SCAF11: variants seen among roughly 807,000 people sequenced by gnomAD.
The protein encoded by SCAF11 is protein SCAF11.
In SCAF11, 47 loss-of-function variants were observed where a neutral mutation model predicts 140.5. That is an observed-to-expected ratio of 0.33 (90% CI 0.26 to 0.43). The LOEUF (loss-of-function observed/expected upper bound fraction) is 0.43. Among genes scored for constraint, SCAF11 ranks in the 20% least tolerant of loss-of-function variants. The pLI, the probability that SCAF11 is intolerant of heterozygous loss-of-function variation, is 1.00. For synonymous variants in SCAF11, 557 were observed against 579.4 expected, an observed-to-expected ratio of 0.96 and a Z score of 0.55; for missense variants, 1,645 against 1,705.1, an observed-to-expected ratio of 0.96 and a Z score of 0.62.
At chr12:45,967,777 T>A (rs1057441929) in intron 1 of SCAF11, among the ~76,000 whole-genome samples, 5 of 152,246 alleles carry the variant, frequency 3.3e-5, no homozygotes, top group Non-Finnish European at 5.9e-5. Context: ...ACTAATTTAG[T>A]CATTTAAAAT....
In SCAF11 at chr12:45,924,865, G is replaced by A; in HGVS notation, c.3769C>T (p.Leu1257Phe). 1 of 1,614,156 alleles carries A rather than the reference G, an allele frequency of 6.2e-7. No individual in the cohort carries two copies. Among genetic ancestry groups the A allele is most frequent in the Non-Finnish European group, 8.5e-7 (1 of 1,180,032 alleles). ...FNIHPQLPLH[L>F]HTGVPLMQVA... ...TGCATGAGGGGCACTCCTGTGTGGA[G>A]ATGCAAGGGTAGCTGAGGATGAATG... The change falls in exon 12 of 15, where the codon CTC (leucine) becomes TTC (phenylalanine). Residue 1257 changes from leucine (L) to phenylalanine (F), a missense_variant. Physicochemically the swap from Leu to Phe is conservative, Grantham distance 22 (BLOSUM62 0). Transcript: ENST00000369367.
intron 1 of SCAF11, among the ~76,000 whole-genome samples, chr12:45,973,113 C>G (rs1946151523): frequency 6.7e-6 from 1 of 148,776 alleles, no homozygotes; most frequent in African/African-American, 2.5e-5. Context: ...AGCAAACAAA[C>G]AGAAGACATA....
rs1222377058 is a variant in SCAF11 at position 45,927,853 on chromosome 12, A to C, written c.1848T>G (p.Gly616=). Residue 616 remains glycine, a synonymous_variant, in exon 11 of 15, where the codon GGT becomes GGG. Transcript: ENST00000369367. ...IESPKLESSE[G]EIIQTVDRQS... ...GTCTGTCCACTGTCTGTATAATTTC[A>C]CCCTCAGAAGATTCTAACTTGGGGC... The C allele has an allele frequency of 6.2e-7, 1 of 1,613,596 alleles. No homozygotes were observed. The highest frequency in any genetic ancestry group is 1.3e-5 in the African/African-American group (1 of 74,834).
At position 45,928,637 on chromosome 12, in the gene SCAF11, G is replaced by A; in HGVS notation, c.1064C>T (p.Ser355Phe). 1.2e-6 allele frequency: 2 copies of A among 1,614,106 alleles called. No homozygotes were observed. Among genetic ancestry groups the A allele is most frequent in the Non-Finnish European group, 1.7e-6 (2 of 1,179,986 alleles). ...CTCAGCTGAAGAGGGAACACTTAAA[G>A]ATGGATTACTGTTACCTGGGGCATC... is the stretch of plus-strand genomic sequence containing the variant. ...GCDAPGNSNPSLSVPSSAESE... is the reference protein window; with the variant it reads ...GCDAPGNSNPFLSVPSSAESE... The change falls in exon 11 of 15, where the codon TCT (serine) becomes TTT (phenylalanine). Residue 355 changes from serine to phenylalanine, a missense_variant. Physicochemically the swap from Ser to Phe is radical, Grantham distance 155. Coordinates refer to ENST00000369367, the MANE Select transcript of SCAF11 (RefSeq NM_004719.3).
At chr12:45,974,294 C>G (rs1394771420) in intron 1 of SCAF11, 10 of 462,640 alleles carry the variant, frequency 2.2e-5, no homozygotes, top group Non-Finnish European at 4.4e-5. Context: ...GCTGACTAAT[C>G]ACAGGATGGT....
rs992804019 is a variant in SCAF11, at chr12:45,921,611, A to T, written c.*437T>A. ...ATTTTTCATGGTAATACATTATTTA[A>T]CTTTCTATAATTAGAGGGAAAAAAT... On this transcript the variant is annotated 3_prime_UTR_variant, in exon 15 of 15. Coordinates refer to ENST00000369367, the MANE Select transcript of SCAF11 (RefSeq NM_004719.3). 6.5e-6 allele frequency: 1 copy of T among 153,004 alleles called. No individual in the cohort carries two copies. Among genetic ancestry groups the T allele is most frequent in the Non-Finnish European group, 1.5e-5 (1 of 68,672 alleles). 9.5% of individuals were successfully genotyped at this position (153,004 alleles called of 1,614,324 possible). A position where few individuals can be genotyped will look rare whatever the true frequency, so the allele number is the denominator to read the frequency against.
intron 4 of SCAF11, among the ~76,000 whole-genome samples, chr12:45,949,090 G>C (rs1416208780): frequency 6.6e-6 from 1 of 152,190 alleles, no homozygotes; most frequent in Non-Finnish European, 1.5e-5. Context: ...TGAATGCGAT[G>C]ATCAAATTTG....
chr12:45,962,193 T>C (rs569240539), intron 2 of SCAF11, among the ~76,000 whole-genome samples: 8 of 152,278 alleles, frequency 5.3e-5, no homozygotes, highest in Non-Finnish European at 1.0e-4. Flanking sequence ...TAAATTTCTT[T>C]TGTGTTCTTC....
chr12:45,957,016 G>C (rs955209848), intron 3 of SCAF11, among the ~76,000 whole-genome samples: 2 of 152,152 alleles, frequency 1.3e-5, no homozygotes, highest in Non-Finnish European at 2.9e-5. Flanking sequence ...TGTGGAGCTA[G>C]CAATCACTCC....
At chr12:45,961,286 T>C (rs1402635082) in intron 3 of SCAF11, 9 of 715,050 alleles carry the variant, frequency 1.3e-5, no homozygotes, top group South Asian at 3.0e-5. Context: ...ACAAGGCTGA[T>C]ATAAAGAAGA....
intron 10 of SCAF11, chr12:45,930,001 T>C (rs1441924961): frequency 6.7e-6 from 1 of 150,044 alleles, no homozygotes; most frequent in Non-Finnish European, 1.5e-5. Flanking sequence ...AATTAATATA[T>C]TTTTTATGTT....
chr12:45,950,967 A>G (rs1310756508), intron 4 of SCAF11, among the ~76,000 whole-genome samples: 1 of 152,144 alleles, frequency 6.6e-6, no homozygotes, highest in Non-Finnish European at 1.5e-5. Context: ...GTAGTGATAC[A>G]TCAAGAAATC....
intron 1 of SCAF11, among the ~76,000 whole-genome samples, chr12:45,969,095 G>A (rs926630878): frequency 6.6e-6 from 1 of 152,172 alleles, no homozygotes; most frequent in African/African-American, 2.4e-5. Context: ...AATTTAAATA[G>A]CCCAATGTGC....
At chr12:45,990,020 G>A (rs1052952251) in intron 1 of SCAF11, among the ~76,000 whole-genome samples, 1 of 149,124 alleles carries the variant, frequency 6.7e-6, no homozygotes, top group African/African-American at 2.5e-5. Flanking sequence ...GACAGGCTTC[G>A]CCAGCTAAGG....
intron 3 of SCAF11, chr12:45,961,070 T>C: frequency 2.5e-6 from 1 of 401,964 alleles, no homozygotes; most frequent in Non-Finnish European, 4.5e-6. Flanking sequence ...ATGTCTTGTT[T>C]CTTATTCACT....
At chr12:45,963,571 T>C (rs11574958) in intron 2 of SCAF11, among the ~76,000 whole-genome samples, 119 of 152,206 alleles carry the variant, frequency 7.8e-4, no homozygotes, top group African/African-American at 2.7e-3. Flanking sequence ...AGACCTTCAC[T>C]AAAGAAACTT....
At chr12:45,946,632 T>C (rs1356622503) in intron 5 of SCAF11, among the ~76,000 whole-genome samples, 3 of 139,888 alleles carry the variant, frequency 2.1e-5, no homozygotes, top group South Asian at 2.3e-4. Flanking sequence ...ATTGGGTAAT[T>C]TTGAGGGAGA....
chr12:45,983,784 C>CACACAT (rs59166912), intron 1 of SCAF11, among the ~76,000 whole-genome samples: 1 of 149,376 alleles, frequency 6.7e-6, no homozygotes, highest in Admixed American at 6.6e-5. Flanking sequence ...CACACACACA[C>CACACAT]AAAGACTGAA....
chr12:45,946,127 G>A (rs1945417590), intron 5 of SCAF11, among the ~76,000 whole-genome samples: 1 of 152,164 alleles, frequency 6.6e-6, no homozygotes, highest in Non-Finnish European at 1.5e-5. Flanking sequence ...AGCATGATTA[G>A]TTTCACTCCT....
Sources: allele counts gnomAD v4.1 joint callset (sites outside exome capture counted in the v4.1 genomes callset), GRCh38; gene constraint gnomAD v4.1.1; transcripts MANE v1.5; gene names NCBI Gene and HGNC (gene_info 2026-07-23, HGNC 2026-07-21).